The following PHACTR1 variants were observed in gnomAD, a reference collection of about 807,000 sequenced individuals.
PHACTR1 encodes the protein phosphatase and actin regulator 1.
In PHACTR1, 16 loss-of-function variants were observed where a neutral mutation model predicts 69.2. That is an observed-to-expected ratio of 0.23 (90% CI 0.16 to 0.35). The LOEUF (loss-of-function observed/expected upper bound fraction) is 0.35, where lower values mean the gene tolerates loss of function less well. Among genes scored for constraint, PHACTR1 ranks in the 10% least tolerant of loss-of-function variants. PHACTR1 has a pLI of 1.00. For synonymous variants in PHACTR1, 312 were observed against 284.5 expected (o/e 1.10, Z -0.97); for missense variants, 510 against 734.7 (o/e 0.69, Z 3.54).
chr6:13,230,068 C>T lies in PHACTR1; in HGVS notation c.1266C>T (p.Asp422=), dbSNP rs765237404. ...TGGCCATGAAGGTCTGCAGGAAGGA[C>T]TCCTTAGCCATCAAACTCAGCAACA... ...SSLAMKVCRK[D]SLAIKLSNRP... The change falls in exon 10 of 15, where the codon GAC becomes GAT. Residue 422 remains aspartate (D), a synonymous_variant. Transcript: ENST00000332995. 34 of 1,611,132 alleles carry T rather than the reference C, an allele frequency of 2.1e-5. No homozygotes were observed. The highest frequency in any genetic ancestry group is 5.0e-5 in the Admixed American group (3 of 59,658).
At chr6:13,110,237 G>T (rs1816819234) in intron 5 of PHACTR1, among the ~76,000 whole-genome samples, 1 of 151,846 alleles carries the variant, frequency 6.6e-6, no homozygotes, top group Non-Finnish European at 1.5e-5. Context: ...TTTTAGTTCT[G>T]TATAGAGTAT....
At chr6:13,053,991 CAAA>C (rs35162135) in intron 5 of PHACTR1, among the ~76,000 whole-genome samples, 32,094 of 151,932 alleles carry the variant, frequency 0.21, 3,515 homozygotes, top group South Asian at 0.26. Context: ...AGCAGGAAAA[CAAA>C]GAATACAAAT....
chr6:12,998,041 A>G (rs909021503), intron 4 of PHACTR1, among the ~76,000 whole-genome samples: 14 of 152,212 alleles, frequency 9.2e-5, no homozygotes, highest in African/African-American at 3.4e-4. Context: ...CTTATACATA[A>G]AAATATATTT....
chr6:12,864,198 A>C (rs1781215804), intron 4 of PHACTR1, among the ~76,000 whole-genome samples: 1 of 152,190 alleles, frequency 6.6e-6, no homozygotes, highest in Admixed American at 6.6e-5. Context: ...AGTGGTTCTC[A>C]AACTTTTACT....
intron 5 of PHACTR1, among the ~76,000 whole-genome samples, chr6:13,131,208 T>TACACACACACACACAC (rs56329629): frequency 6.8e-6 from 1 of 146,372 alleles, no homozygotes; most frequent in African/African-American, 2.6e-5. Context: ...TATATACACA[T>TACACACACACACACAC]ACACACACAC....
intron 3 of PHACTR1, among the ~76,000 whole-genome samples, chr6:12,731,629 A>C (rs973962096): frequency 7.9e-5 from 12 of 152,226 alleles, no homozygotes; most frequent in Non-Finnish European, 2.9e-5. Context: ...TATCTATAAA[A>C]AGGAAATTTA....
chr6:12,926,989 G>T (rs922894999), intron 4 of PHACTR1, among the ~76,000 whole-genome samples: 1 of 152,182 alleles, frequency 6.6e-6, no homozygotes, highest in African/African-American at 2.4e-5. Context: ...CTAGTCAATT[G>T]CTTAGGATCC....
intron 6 of PHACTR1, among the ~76,000 whole-genome samples, chr6:13,164,055 A>G (rs1295559140): frequency 3.3e-5 from 5 of 152,058 alleles, no homozygotes; most frequent in Non-Finnish European, 7.4e-5. Flanking sequence ...CTGAGGATTT[A>G]AAAAGTACAA....
intron 5 of PHACTR1, among the ~76,000 whole-genome samples, chr6:13,159,830 C>G (rs1758719589): frequency 6.6e-6 from 1 of 152,144 alleles, no homozygotes; most frequent in Non-Finnish European, 1.5e-5. Context: ...GTCCCAGCTA[C>G]TCAAGAGGCT....
chr6:13,056,621 A>G (rs983178209), intron 5 of PHACTR1, among the ~76,000 whole-genome samples: 1 of 152,194 alleles, frequency 6.6e-6, no homozygotes, highest in Non-Finnish European at 1.5e-5. Context: ...AAGGATAGGG[A>G]CCACTGCAAT....
At chr6:12,845,429 A>ACCCCCCC (rs1214194071) in intron 4 of PHACTR1, among the ~76,000 whole-genome samples, 1 of 18,028 alleles carries the variant, frequency 5.5e-5, no homozygotes, top group Non-Finnish European at 9.9e-5. Context: ...AACACCACCC[A>ACCCCCCC]CCCCCCCCCC....
chr6:12,979,108 C>A (rs1213173064), intron 4 of PHACTR1, among the ~76,000 whole-genome samples: 1 of 152,222 alleles, frequency 6.6e-6, no homozygotes, highest in African/African-American at 2.4e-5. Context: ...TCCACTCCCA[C>A]CTCCAACCCA....
intron 4 of PHACTR1, among the ~76,000 whole-genome samples, chr6:12,798,675 C>G (rs1017485864): frequency 6.6e-6 from 1 of 152,182 alleles, no homozygotes; most frequent in Admixed American, 6.5e-5. Flanking sequence ...GTCCTGTATG[C>G]TTTGGATGGT....
intron 4 of PHACTR1, among the ~76,000 whole-genome samples, chr6:13,038,517 TG>T (rs917413703): frequency 6.7e-6 from 1 of 150,158 alleles, no homozygotes; most frequent in Non-Finnish European, 1.5e-5. Flanking sequence ...AGGAAGGACT[TG>T]GCTCCTTTAC....
chr6:13,072,397 T>A (rs1356322505), intron 5 of PHACTR1, among the ~76,000 whole-genome samples: 2 of 152,232 alleles, frequency 1.3e-5, no homozygotes, highest in Non-Finnish European at 2.9e-5. Context: ...AAAATATAAA[T>A]AATTGATATT....
chr6:13,064,728 G>T (rs1362689302), intron 5 of PHACTR1, among the ~76,000 whole-genome samples: 1 of 149,252 alleles, frequency 6.7e-6, no homozygotes, highest in Non-Finnish European at 1.5e-5. Context: ...GTCTCATGAA[G>T]CTTCAGCGTG....
intron 10 of PHACTR1, among the ~76,000 whole-genome samples, chr6:13,258,252 G>C (rs434703): frequency 0.075 from 11,470 of 152,034 alleles, 722 homozygotes; most frequent in Admixed American, 0.22. Flanking sequence ...CAGCTTCTAG[G>C]GGGGAGGCAG....
intron 5 of PHACTR1, among the ~76,000 whole-genome samples, chr6:13,059,488 AC>A (rs1807361610): frequency 2.1e-5 from 3 of 144,154 alleles, no homozygotes; most frequent in Admixed American, 1.4e-4. Flanking sequence ...ACACACACAC[AC>A]ACACAAAACC....
chr6:13,209,597 A>G (rs987039481), intron 8 of PHACTR1, among the ~76,000 whole-genome samples: 2 of 152,234 alleles, frequency 1.3e-5, no homozygotes, highest in Non-Finnish European at 2.9e-5. Flanking sequence ...AACAGCATCA[A>G]TGCCTGACAC....
Sources: gnomAD v4.1 joint callset for allele counts (sites outside exome capture counted in the v4.1 genomes callset) on GRCh38, gnomAD v4.1.1 for gene constraint, MANE v1.5 for transcripts, NCBI Gene and HGNC (gene_info 2026-07-23, HGNC 2026-07-21) for gene names.